Variants in SMG6 observed in about 807,000 individuals in gnomAD.
SMG6 encodes the protein SMG6 nonsense mediated mRNA decay factor.
Under a neutral mutation model 142.2 loss-of-function variants are expected in SMG6, and 66 were observed. That is an observed-to-expected ratio of 0.46 (90% CI 0.38 to 0.57). SMG6 has a LOEUF of 0.57. Ranked by LOEUF, SMG6 falls within the 20% of genes least tolerant of loss-of-function variation. SMG6 has a pLI of 0.00. For synonymous variants in SMG6, 779 were observed against 702.4 expected (o/e 1.11, Z -1.72); for missense variants, 1,793 against 1,832.0 (o/e 0.98, Z 0.39).
chr17:2,290,452 A>C (rs565890735), intron 6 of SMG6, among the ~76,000 whole-genome samples: 1 of 152,368 alleles, frequency 6.6e-6, no homozygotes, highest in South Asian at 2.1e-4. Context: ...TTTTCACAAA[A>C]ATTAACTCAA....
chr17:2,299,736 C>T lies in SMG6; in HGVS notation c.1017G>A (p.Gln339=). Residue 339 remains glutamine (Q), a synonymous_variant, in exon 2 of 19, where the codon CAG becomes CAA. Coordinates refer to ENST00000263073, the MANE Select transcript of SMG6 (RefSeq NM_017575.5). The surrounding 1 kb of genome is among the most constrained non-coding windows in gnomAD (Gnocchi z 4.3). The stretch of plus-strand genomic sequence containing the variant: ...CTCGATATTCTTTAGCACTGTTTTT[C>T]TGCTCACCCTCCCCACGGCCAGACC... ...RNWSGRGEGE[Q]KNSAKEYRGT... The T allele has an allele frequency of 6.2e-7, 1 of 1,614,194 alleles. No homozygotes were observed. Among genetic ancestry groups the T allele is most frequent in the Non-Finnish European group, 8.5e-7 (1 of 1,180,034 alleles).
At chr17:2,244,812 G>A in intron 8 of SMG6, 93 bp from the exon 9 acceptor site, 3 of 1,033,892 alleles carry the variant, frequency 2.9e-6, no homozygotes, top group Non-Finnish European at 4.5e-6. Context: ...AACCTGGCCA[G>A]GGTCTAAGGG....
chr17:2,302,805 T>C (rs1251793962), intron 1 of SMG6, among the ~76,000 whole-genome samples: 1 of 143,666 alleles, frequency 7.0e-6, no homozygotes, highest in Non-Finnish European at 1.5e-5. Context: ...GTCTGTAACT[T>C]GGTGGGGGGC....
intron 14 of SMG6, among the ~76,000 whole-genome samples, chr17:2,083,343 G>A (rs1388665979): frequency 2.0e-5 from 3 of 152,208 alleles, no homozygotes; most frequent in Admixed American, 1.3e-4. Flanking sequence ...TTTGCCTTGT[G>A]AGCAGAATCT....
At chr17:2,134,245 C>A (rs748198449) in intron 13 of SMG6, among the ~76,000 whole-genome samples, 8 of 151,260 alleles carry the variant, frequency 5.3e-5, no homozygotes, top group Non-Finnish European at 1.2e-4. Context: ...CGGTGAAACC[C>A]CATCTCTACT....
At chr17:2,180,505 G>C (rs1427604316) in intron 12 of SMG6, among the ~76,000 whole-genome samples, 2 of 152,146 alleles carry the variant, frequency 1.3e-5, no homozygotes, top group African/African-American at 4.8e-5. Flanking sequence ...CACATGCCCA[G>C]CAATCCTGCC....
At chr17:2,212,390 T>C (rs1413285945) in intron 10 of SMG6, among the ~76,000 whole-genome samples, 3 of 152,092 alleles carry the variant, frequency 2.0e-5, no homozygotes, top group Admixed American at 6.6e-5. Flanking sequence ...TGGGGTGAGA[T>C]GGAGTTTTGT....
chr17:2,126,160 T>C (rs2069870247), intron 13 of SMG6, among the ~76,000 whole-genome samples: 1 of 152,098 alleles, frequency 6.6e-6, no homozygotes. Flanking sequence ...CAACTGACTT[T>C]TGACAAGGGT....
intron 13 of SMG6, among the ~76,000 whole-genome samples, chr17:2,115,723 T>C (rs1035075530): frequency 6.6e-6 from 1 of 152,088 alleles, no homozygotes; most frequent in Non-Finnish European, 1.5e-5. Context: ...ACATTTCTCT[T>C]TTTTGCGGGG....
intron 13 of SMG6, among the ~76,000 whole-genome samples, chr17:2,109,824 G>A (rs2069259090): frequency 6.6e-6 from 1 of 152,090 alleles, no homozygotes; most frequent in Non-Finnish European, 1.5e-5. Flanking sequence ...AGACGCAGTG[G>A]CTCACACCTG....
chr17:2,125,949 T>C (rs1567617598), intron 13 of SMG6, among the ~76,000 whole-genome samples: 3 of 58,334 alleles, frequency 5.1e-5, no homozygotes, highest in East Asian at 2.9e-4. Context: ...TGAGAACCCA[T>C]CTCAAAAAAA....
chr17:2,218,567 A>T (rs1182024253), intron 10 of SMG6, among the ~76,000 whole-genome samples: 1 of 152,180 alleles, frequency 6.6e-6, no homozygotes, highest in Non-Finnish European at 1.5e-5. Context: ...TAACCAAATA[A>T]GGAAACCACA....
intron 15 of SMG6, among the ~76,000 whole-genome samples, chr17:2,079,851 G>C (rs2068364152): frequency 6.6e-6 from 1 of 152,124 alleles, no homozygotes; most frequent in Admixed American, 6.5e-5. Flanking sequence ...AAGGCGGGCA[G>C]ATCACCTGAG....
chr17:2,143,079 T>G (rs1036372611), intron 13 of SMG6, among the ~76,000 whole-genome samples: 3 of 152,064 alleles, frequency 2.0e-5, no homozygotes, highest in Admixed American at 6.6e-5. Context: ...TAAGTGTTAG[T>G]GAAGATGTGG....
intron 12 of SMG6, among the ~76,000 whole-genome samples, chr17:2,183,438 A>C (rs2071869208): frequency 6.6e-6 from 1 of 152,186 alleles, no homozygotes; most frequent in African/African-American, 2.4e-5. Flanking sequence ...GAACATGGAC[A>C]GAGATTGAAG....
chr17:2,146,767 T>C (rs1364744194), intron 13 of SMG6, among the ~76,000 whole-genome samples: 4 of 152,180 alleles, frequency 2.6e-5, no homozygotes, highest in Non-Finnish European at 5.9e-5. Flanking sequence ...GGTTTCACCA[T>C]GTTGACCAGG....
intron 13 of SMG6, among the ~76,000 whole-genome samples, chr17:2,121,661 T>A (rs1014059738): frequency 2.7e-5 from 4 of 146,094 alleles, no homozygotes; most frequent in Admixed American, 6.9e-5. Flanking sequence ...AGAGAGAGAG[T>A]ATCACCCAGG....
chr17:2,256,312 T>C (rs879289535), intron 8 of SMG6, among the ~76,000 whole-genome samples: 3 of 152,090 alleles, frequency 2.0e-5, no homozygotes, highest in East Asian at 1.9e-4. Flanking sequence ...GTTGCAATCA[T>C]CCACTGGCAA....
chr17:2,300,741 C>A, intron 1 of SMG6, 77 bp from the exon 2 acceptor site: 1 of 1,342,862 alleles, frequency 7.4e-7, no homozygotes, highest in South Asian at 1.5e-5. Flanking sequence ...GAAAGACTGT[C>A]ATTCTGGTTA....
Sources: gnomAD v4.1 joint callset for allele counts (sites outside exome capture counted in the v4.1 genomes callset) on GRCh38, gnomAD v4.1.1 for gene constraint, Gnocchi (gnomAD v3.1) non-coding constraint, MANE v1.5 for transcripts, NCBI Gene and HGNC (gene_info 2026-07-23, HGNC 2026-07-21) for gene names.